Variants in TLK1 observed in about 807,000 individuals in gnomAD.
TLK1 encodes serine/threonine-protein kinase tousled-like 1.
In TLK1, 24 loss-of-function variants were observed where a neutral mutation model predicts 105.3. The observed-to-expected ratio is 0.23, with a 90% CI of 0.17 to 0.32. The LOEUF (loss-of-function observed/expected upper bound fraction) is 0.32. TLK1 is among the 10% of genes least tolerant of loss of function. The pLI, the probability that TLK1 is intolerant of heterozygous loss-of-function variation, is 1.00. For missense variants in TLK1, 558 were observed against 910.5 expected (o/e 0.61, Z 4.98); for synonymous variants, 321 against 310.4 (o/e 1.03, Z -0.36).
chr2:171,173,363 C>G (rs1692763525), intron 1 of TLK1, among the ~76,000 whole-genome samples: 1 of 152,212 alleles, frequency 6.6e-6, no homozygotes, highest in South Asian at 2.1e-4. Flanking sequence ...CAGGATCTCA[C>G]TCTGTTGCCC....
At chr2:171,226,866 T>C (rs1451692305) in intron 1 of TLK1, among the ~76,000 whole-genome samples, 1 of 152,218 alleles carries the variant, frequency 6.6e-6, no homozygotes, top group Non-Finnish European at 1.5e-5. Context: ...CAGCTTCTGA[T>C]AAGTTAATCT....
At chr2:171,033,563 A>G (rs1390255541) in intron 11 of TLK1, among the ~76,000 whole-genome samples, 1 of 151,748 alleles carries the variant, frequency 6.6e-6, no homozygotes, top group Non-Finnish European at 1.5e-5. Flanking sequence ...AACCAAGAGT[A>G]TAATTGGAAT....
chr2:171,200,103 T>G (rs1693369854), intron 1 of TLK1, among the ~76,000 whole-genome samples: 1 of 152,170 alleles, frequency 6.6e-6, no homozygotes, highest in South Asian at 2.1e-4. Flanking sequence ...CCAATACTAT[T>G]AGAAAATAAA....
intron 1 of TLK1, among the ~76,000 whole-genome samples, chr2:171,213,020 G>A (rs551558173): frequency 1.6e-4 from 25 of 151,948 alleles, no homozygotes; most frequent in African/African-American, 5.5e-4. Flanking sequence ...GGCCAGAGTA[G>A]ACATTACTTT....
intron 2 of TLK1, among the ~76,000 whole-genome samples, chr2:171,115,166 ATTTC>A (rs905843126): frequency 2.4e-4 from 25 of 103,834 alleles, no homozygotes; most frequent in East Asian, 8.1e-4. Context: ...TCTTTTAAGA[ATTTC>A]TTTCTTTTTT....
intron 1 of TLK1, among the ~76,000 whole-genome samples, chr2:171,149,099 C>CTTTTTTTTTTTTTTTTTTTTT (rs11335300): frequency 1.7e-5 from 1 of 57,894 alleles, no homozygotes; most frequent in Non-Finnish European, 3.1e-5. Context: ...AATTACTTTT[C>CTTTTTTTTTTTTTTTTTTTTT]TTTTTTTTTT....
At chr2:171,055,618 G>A (rs1296010718) in intron 6 of TLK1, among the ~76,000 whole-genome samples, 2 of 152,010 alleles carry the variant, frequency 1.3e-5, no homozygotes, top group Non-Finnish European at 2.9e-5. Flanking sequence ...CTGGTCACTA[G>A]TTCAAAAAGA....
intron 13 of TLK1, 71 bp from the exon 14 acceptor site, chr2:171,011,525 A>T: frequency 7.9e-7 from 1 of 1,260,958 alleles, no homozygotes; most frequent in Middle Eastern, 2.1e-4. Flanking sequence ...CTGAAGTTCT[A>T]CTCTCTTATT....
chr2:171,173,329 G>C (rs1014269821), intron 1 of TLK1, among the ~76,000 whole-genome samples: 3 of 152,106 alleles, frequency 2.0e-5, no homozygotes, highest in African/African-American at 7.2e-5. Flanking sequence ...TGACTCATAC[G>C]GATCACATAT....
At chr2:171,004,493 T>C (rs975637533) in intron 18 of TLK1, among the ~76,000 whole-genome samples, 1 of 152,206 alleles carries the variant, frequency 6.6e-6, no homozygotes, top group Non-Finnish European at 1.5e-5. Context: ...AGAAATACAT[T>C]CCATGTTCCT....
intron 8 of TLK1, among the ~76,000 whole-genome samples, chr2:171,053,455 C>T (rs778696695): frequency 1.3e-5 from 2 of 151,954 alleles, no homozygotes; most frequent in African/African-American, 2.4e-5. Flanking sequence ...CTCCACCTCC[C>T]GGGTTCAAGC....
intron 12 of TLK1, among the ~76,000 whole-genome samples, chr2:171,018,849 A>G (rs1284752327): frequency 6.6e-6 from 1 of 152,230 alleles, no homozygotes; most frequent in African/African-American, 2.4e-5. Context: ...ATTACAATGA[A>G]GAAGAGACAT....
intron 12 of TLK1, among the ~76,000 whole-genome samples, chr2:171,016,110 T>TA (rs1047492918): frequency 2.7e-4 from 40 of 149,898 alleles, no homozygotes; most frequent in Admixed American, 8.6e-4. Context: ...CCGCCGTCAA[T>TA]AAAAAAAAAG....
chr2:171,092,034 CTTTTTTTTT>C (rs752839912), intron 2 of TLK1, among the ~76,000 whole-genome samples: 1 of 146,408 alleles, frequency 6.8e-6, no homozygotes, highest in African/African-American at 2.5e-5. Flanking sequence ...GCCCGGCCGT[CTTTTTTTTT>C]TTAATCCACT....
At chr2:171,116,398 T>TA (rs2105528256) in intron 2 of TLK1, among the ~76,000 whole-genome samples, 1 of 152,146 alleles carries the variant, frequency 6.6e-6, no homozygotes, top group South Asian at 2.1e-4. Flanking sequence ...CTAACAAGCA[T>TA]ACAAAGAAAT....
chr2:171,174,552 A>G (rs920743899), intron 1 of TLK1, among the ~76,000 whole-genome samples: 1 of 152,152 alleles, frequency 6.6e-6, no homozygotes, highest in Non-Finnish European at 1.5e-5. Flanking sequence ...CTCCCATGGC[A>G]TACTAGTATA....
Position 171,160,527 on chromosome 2 carries a change from G to A in TLK1, c.-99C>T, listed in dbSNP as rs1432862985. 11 of 1,551,290 alleles carry A rather than the reference G, an allele frequency of 7.1e-6. No individual in the cohort carries two copies. Among genetic ancestry groups the A allele is most frequent in the East Asian group, 5.1e-5 (2 of 39,134 alleles). ...TCATGGCGGGGGCCGCGCTGAGGGCGAGCGAGAGAGCGAGGGCTGGGAGGG... is the reference window on the plus strand; with the variant it reads ...TCATGGCGGGGGCCGCGCTGAGGGCAAGCGAGAGAGCGAGGGCTGGGAGGG... On this transcript the variant is annotated 5_prime_UTR_variant, in exon 1 of 21. Transcript: ENST00000431350. The surrounding 1 kb of genome is among the most constrained non-coding windows in gnomAD (Gnocchi z 4.4).
chr2:171,106,678 T>C (rs1689944322), intron 2 of TLK1, among the ~76,000 whole-genome samples: 1 of 152,200 alleles, frequency 6.6e-6, no homozygotes, highest in Admixed American at 6.5e-5. Flanking sequence ...ATCCTTAGAA[T>C]GTTTTTACTT....
intron 12 of TLK1, 120 bp downstream of exon 12, chr2:171,028,219 T>A (rs1559351722): frequency 2.8e-6 from 2 of 708,616 alleles, no homozygotes; most frequent in Non-Finnish European, 2.5e-6. Context: ...TAATCTGAAA[T>A]TTTTAATTTG....
Sources: gnomAD v4.1 joint callset for allele counts (sites outside exome capture counted in the v4.1 genomes callset) on GRCh38, gnomAD v4.1.1 for gene constraint, Gnocchi (gnomAD v3.1) non-coding constraint, MANE v1.5 for transcripts, NCBI Gene and HGNC (gene_info 2026-07-23, HGNC 2026-07-21) for gene names.